Variants in ETV6 observed in about 807,000 individuals in gnomAD.
ETV6 encodes the protein ETS variant transcription factor 6, also known as transcription factor ETV6.
ETV6 carries 16 observed loss-of-function variants against 51.1 expected under a neutral mutation model. The ratio of observed to expected loss-of-function variants is 0.31; its 90% CI spans 0.21 to 0.48. The LOEUF (loss-of-function observed/expected upper bound fraction) is 0.48, where lower values mean the gene tolerates loss of function less well. ETV6 is among the 20% of genes least tolerant of loss of function. The pLI is 0.99. For missense variants in ETV6, 458 were observed against 594.8 expected, an observed-to-expected ratio of 0.77 and a Z score of 2.39; for synonymous variants, 240 against 224.1, an observed-to-expected ratio of 1.07 and a Z score of -0.64.
chr12:11,856,522 G>C (rs1460769576), intron 4 of ETV6, among the ~76,000 whole-genome samples: 1 of 151,838 alleles, frequency 6.6e-6, no homozygotes, highest in Non-Finnish European at 1.5e-5. Flanking sequence ...GGTATCCAGG[G>C]AGAAGAGCTT....
intron 1 of ETV6, chr12:11,716,852 T>C (rs1260799174): frequency 6.6e-6 from 1 of 152,306 alleles, no homozygotes; most frequent in Admixed American, 6.5e-5. Context: ...AGCACCTCTG[T>C]GGCCTTCAAA....
At chr12:11,757,170 G>C (rs1945020317) in intron 2 of ETV6, among the ~76,000 whole-genome samples, 1 of 152,064 alleles carries the variant, frequency 6.6e-6, no homozygotes, top group Admixed American at 6.5e-5. Context: ...CTTTCCTTGT[G>C]AATCTTTCAA....
chr12:11,651,897 C>T (rs1455734704), intron 1 of ETV6, among the ~76,000 whole-genome samples: 1 of 152,098 alleles, frequency 6.6e-6, no homozygotes, highest in East Asian at 1.9e-4. Context: ...TACTGCATCC[C>T]CACCGTTTTG....
At chr12:11,863,582 C>G (rs1946747172) in intron 4 of ETV6, among the ~76,000 whole-genome samples, 1 of 152,136 alleles carries the variant, frequency 6.6e-6, no homozygotes, top group Non-Finnish European at 1.5e-5. Context: ...GGATAATTTC[C>G]CAGTTTTCCA....
chr12:11,769,108 A>G (rs1251494750), intron 2 of ETV6: 1 of 370,122 alleles, frequency 2.7e-6, no homozygotes, highest in Non-Finnish European at 5.3e-6. Context: ...CCAGTAGAGT[A>G]GTAATTACAG....
chr12:11,667,157 A>C (rs1219597117), intron 1 of ETV6, among the ~76,000 whole-genome samples: 5 of 152,226 alleles, frequency 3.3e-5, no homozygotes, highest in African/African-American at 1.2e-4. Context: ...TGCTGCTTAC[A>C]TTTCCAGTGT....
At chr12:11,685,367 C>T (rs1458826324) in intron 1 of ETV6, among the ~76,000 whole-genome samples, 1 of 150,950 alleles carries the variant, frequency 6.6e-6, no homozygotes, top group African/African-American at 2.4e-5. Context: ...ATTCAGGCTA[C>T]TTAAATCACG....
In ETV6 at chr12:11,784,227, C is replaced by G. The variant is rs182039941; in HGVS notation, c.163+31648C>G. On this transcript the variant is annotated intron_variant, in intron 2 of 7. Coordinates refer to ENST00000396373, the MANE Select transcript of ETV6 (RefSeq NM_001987.5). Reference sequence around the variant, plus strand: ...GGCGGATCACTTGAGATCAGGAGTTCGAGACCAGCCTGGCCAACATGTTGA... The same window carrying G: ...GGCGGATCACTTGAGATCAGGAGTTGGAGACCAGCCTGGCCAACATGTTGA... Among the ~76,000 whole-genome samples, 34 of 152,152 alleles carry G rather than the reference C, an allele frequency of 2.2e-4. No homozygotes were observed. The East Asian group carries it at 6.6e-3, about 29-fold the overall frequency.
chr12:11,736,945 T>C (rs182937939), intron 1 of ETV6, among the ~76,000 whole-genome samples: 16 of 152,288 alleles, frequency 1.1e-4, no homozygotes, highest in Middle Eastern at 3.4e-3. Context: ...GCAAGCTCTG[T>C]TCTAGTTGTA....
intron 1 of ETV6, among the ~76,000 whole-genome samples, chr12:11,653,052 G>A (rs1221049160): frequency 2.0e-5 from 3 of 152,068 alleles, no homozygotes; most frequent in Non-Finnish European, 4.4e-5. Flanking sequence ...CTCCTGGGGG[G>A]GTCTGTCCTA....
At position 11,699,649 on chromosome 12, in the gene ETV6, T is replaced by C. The variant is rs567898441; in HGVS notation, c.33+49489T>C. 9.2e-5 allele frequency among the ~76,000 whole-genome samples: 14 copies of C among 152,290 alleles called. 1 individual carries two copies. The South Asian group carries it at 2.7e-3, about 29-fold the overall frequency. Reference sequence around the variant, plus strand: ...AAGGTTTGTTGATTATTGAGCTTTTTCATGGGTGATAGAATGGAGCAGCTG... The same window carrying C: ...AAGGTTTGTTGATTATTGAGCTTTTCCATGGGTGATAGAATGGAGCAGCTG... On this transcript the variant is annotated intron_variant, in intron 1 of 7. Transcript: ENST00000396373.
chr12:11,800,791 C>T (rs1034910649), intron 2 of ETV6, among the ~76,000 whole-genome samples: 9 of 152,128 alleles, frequency 5.9e-5, no homozygotes, highest in East Asian at 5.8e-4. Flanking sequence ...AAAAAGTAGC[C>T]GGGCATGGTG....
At chr12:11,722,299 A>T (rs1006369251) in intron 1 of ETV6, among the ~76,000 whole-genome samples, 5 of 152,342 alleles carry the variant, frequency 3.3e-5, no homozygotes, top group Admixed American at 6.5e-5. Context: ...TGAACAGTGA[A>T]ATGGCCAAAA....
intron 2 of ETV6, among the ~76,000 whole-genome samples, chr12:11,792,981 G>A (rs1053291943): frequency 1.3e-5 from 2 of 151,930 alleles, no homozygotes. Flanking sequence ...GGGAGGGGTG[G>A]GAGATGAAAA....
At chr12:11,738,170 T>A (rs1565505590) in intron 1 of ETV6, among the ~76,000 whole-genome samples, 1 of 151,726 alleles carries the variant, frequency 6.6e-6, no homozygotes, top group South Asian at 2.1e-4. Flanking sequence ...GCTCTGCTAG[T>A]TTGCTTGCTT....
At chr12:11,682,913 T>C (rs1437176282) in intron 1 of ETV6, among the ~76,000 whole-genome samples, 1 of 152,230 alleles carries the variant, frequency 6.6e-6, no homozygotes, top group Non-Finnish European at 1.5e-5. Context: ...CTGAGGCCTC[T>C]GTTCTGTTCA....
At chr12:11,835,223 C>G (rs917387828) in intron 2 of ETV6, among the ~76,000 whole-genome samples, 2 of 152,158 alleles carry the variant, frequency 1.3e-5, no homozygotes, top group African/African-American at 4.8e-5. Flanking sequence ...TTTCTCTGTA[C>G]AAAATTCTTT....
chr12:11,770,748 G>A (rs559796245), intron 2 of ETV6, among the ~76,000 whole-genome samples: 4 of 152,174 alleles, frequency 2.6e-5, no homozygotes, highest in South Asian at 2.1e-4. Flanking sequence ...AATAAGTCAC[G>A]GCTAATGAGT....
chr12:11,690,464 A>G (rs910386179), intron 1 of ETV6, among the ~76,000 whole-genome samples: 4 of 152,020 alleles, frequency 2.6e-5, no homozygotes, highest in African/African-American at 9.7e-5. Flanking sequence ...GATGGCACAC[A>G]CCTGTAGTCT....
Sources: gnomAD v4.1 joint callset for allele counts (sites outside exome capture counted in the v4.1 genomes callset) on GRCh38, gnomAD v4.1.1 for gene constraint, MANE v1.5 for transcripts, NCBI Gene and HGNC (gene_info 2026-07-23, HGNC 2026-07-21) for gene names.